The following AFAP1L2 variants were observed in gnomAD, a reference collection of about 807,000 sequenced individuals.
AFAP1L2 encodes the protein actin filament associated protein 1 like 2, also known as actin filament-associated protein 1-like 2.
In AFAP1L2, 46 loss-of-function variants were observed where a neutral mutation model predicts 99.3. That is an observed-to-expected ratio of 0.46 (90% CI 0.37 to 0.59). AFAP1L2 has a LOEUF of 0.59. AFAP1L2 is among the 20% of genes least tolerant of loss of function. The pLI, the probability that AFAP1L2 is intolerant of heterozygous loss-of-function variation, is 0.00. For missense variants in AFAP1L2, 959 were observed against 1,034.9 expected (o/e 0.93, Z 1.01); for synonymous variants, 397 against 419.1 (o/e 0.95, Z 0.64).
intron 1 of AFAP1L2, among the ~76,000 whole-genome samples, chr10:114,388,077 A>T (rs1210950737): frequency 6.6e-6 from 1 of 152,126 alleles, no homozygotes; most frequent in African/African-American, 2.4e-5. Flanking sequence ...TTATTTTAGG[A>T]TATGCTCAAA....
chr10:114,317,836 C>T (rs1889451), intron 5 of AFAP1L2, among the ~76,000 whole-genome samples: 3 of 151,988 alleles, frequency 2.0e-5, no homozygotes, highest in African/African-American at 4.8e-5. Flanking sequence ...CTCCAGCCTG[C>T]GCAACAGAGT....
chr10:114,368,985 A>C (rs766974067), intron 1 of AFAP1L2, among the ~76,000 whole-genome samples: 2 of 152,170 alleles, frequency 1.3e-5, no homozygotes, highest in Non-Finnish European at 2.9e-5. Flanking sequence ...CCTGCCCTCA[A>C]GGAGTTGGCC....
chr10:114,302,694 G>A (rs2041427855), intron 11 of AFAP1L2, among the ~76,000 whole-genome samples: 1 of 152,126 alleles, frequency 6.6e-6, no homozygotes, highest in Admixed American at 6.5e-5. Flanking sequence ...ACATCTTGAT[G>A]CCACCTCAAT....
At chr10:114,323,085 T>A (rs759670263) in intron 5 of AFAP1L2, 86 bp downstream of exon 5, 87 of 1,234,438 alleles carry the variant, frequency 7.0e-5, no homozygotes, top group Non-Finnish European at 9.2e-5. Flanking sequence ...AGGATGAGTG[T>A]ATCTGTTACC....
At chr10:114,285,038 T>G in the AFAP1L2 span, 1 of 1,267,784 alleles carries the variant, frequency 7.9e-7, no homozygotes, top group Non-Finnish European at 1.1e-6. Flanking sequence ...CCCCTTTTCA[T>G]TGCACGCCCT....
chr10:114,333,078 A>T, intron 3 of AFAP1L2, 143 bp downstream of exon 3: 4 of 731,772 alleles, frequency 5.5e-6, no homozygotes, highest in Non-Finnish European at 9.1e-6. Flanking sequence ...TACGACCAAC[A>T]AAAATGTGGC....
chr10:114,380,310 T>C (rs1374831624), intron 1 of AFAP1L2, among the ~76,000 whole-genome samples: 1 of 152,230 alleles, frequency 6.6e-6, no homozygotes, highest in Non-Finnish European at 1.5e-5. Flanking sequence ...AGTTGCTTTT[T>C]GAAAGGCAAT....
At chr10:114,352,644 G>C (rs1042211440) in intron 1 of AFAP1L2, among the ~76,000 whole-genome samples, 1 of 152,204 alleles carries the variant, frequency 6.6e-6, no homozygotes, top group Admixed American at 6.5e-5. Flanking sequence ...GAATGAACGA[G>C]TGAAGGTTTT....
chr10:114,297,357 G>T lies in AFAP1L2; in HGVS notation c.2170C>A (p.Arg724=). The T allele has an allele frequency of 6.2e-7, 1 of 1,613,638 alleles. No homozygotes were observed. The highest frequency in any genetic ancestry group is 8.5e-7 in the Non-Finnish European group (1 of 1,180,010). ...QKLKEIDEEC[R]GEESRRVDLE... ...TCCACGCGCCTGCTCTCCTCGCCCCGGCACTCCTCGTCAATTTCCTTCAGC... is the reference window on the plus strand; with the variant it reads ...TCCACGCGCCTGCTCTCCTCGCCCCTGCACTCCTCGTCAATTTCCTTCAGC... Residue 724 remains arginine, a synonymous_variant, in exon 17 of 19, where the codon CGG becomes AGG. Coordinates refer to ENST00000304129, the MANE Select transcript of AFAP1L2 (RefSeq NM_001001936.3).
chr10:114,404,489 T>C lies in AFAP1L2; in HGVS notation c.-34A>G. The C allele has an allele frequency of 6.5e-7, 1 of 1,530,618 alleles. No homozygotes were observed. Among genetic ancestry groups the C allele is most frequent in the Non-Finnish European group, 8.8e-7 (1 of 1,142,792 alleles). 94.8% of individuals were successfully genotyped at this position (1,530,618 alleles called of 1,614,324 possible). ...CGGAGTGCGCTCCTCGCGGCTCGGCTTCTGCGCTGCTCTCCCGGCGCTCGG... is the reference window on the plus strand; with the variant it reads ...CGGAGTGCGCTCCTCGCGGCTCGGCCTCTGCGCTGCTCTCCCGGCGCTCGG... On this transcript the variant is annotated 5_prime_UTR_variant, in exon 1 of 19. Transcript: ENST00000304129.
intron 1 of AFAP1L2, among the ~76,000 whole-genome samples, chr10:114,341,877 GAAGA>G (rs2048879583): frequency 6.6e-6 from 1 of 152,144 alleles, no homozygotes; most frequent in Non-Finnish European, 1.5e-5. Context: ...TGCCTCCTCA[GAAGA>G]AAGAATTTGA....
At chr10:114,404,637 G>GC (rs1446309674), upstream of AFAP1L2, 1 of 845,594 alleles carries the variant, frequency 1.2e-6, no homozygotes, top group Non-Finnish European at 1.6e-6. Flanking sequence ...CGCCCCCAGC[G>GC]CCCCTGTCCC....
chr10:114,364,507 C>T (rs915369010), intron 1 of AFAP1L2, among the ~76,000 whole-genome samples: 1 of 152,134 alleles, frequency 6.6e-6, no homozygotes, highest in African/African-American at 2.4e-5. Flanking sequence ...TCTGTTGTCA[C>T]ATGGCATGAC....
At chr10:114,395,610 T>TG (rs2057618161) in intron 1 of AFAP1L2, among the ~76,000 whole-genome samples, 1 of 151,066 alleles carries the variant, frequency 6.6e-6, no homozygotes, top group South Asian at 2.2e-4. Context: ...GTATAAAAAC[T>TG]GGGGGAGAAA....
At chr10:114,289,413 G>A in the AFAP1L2 span, 2 of 1,612,336 alleles carry the variant, frequency 1.2e-6, no homozygotes, top group Non-Finnish European at 8.5e-7. Context: ...CAGGTCCCCG[G>A]GATTCCCTGA....
chr10:114,285,865 C>T, the AFAP1L2 span: 360 of 1,415,474 alleles, frequency 2.5e-4, no homozygotes, highest in South Asian at 1.5e-3. Flanking sequence ...GGGAGATGTT[C>T]GGCATCTCGG....
In AFAP1L2 at chr10:114,300,636, AT is replaced by A; in HGVS notation, c.1596del (p.Glu532AspfsTer56). On this transcript the variant is annotated frameshift_variant, in exon 14 of 19. Coordinates refer to ENST00000304129, the MANE Select transcript of AFAP1L2 (RefSeq NM_001001936.3). LOFTEE classifies it high-confidence loss of function. ...TPVADDPNERESDRVYLDLTP... is the reference protein window; with the variant it reads ...TPVADDPNERXSDRVYLDLTP... ...GTGAGGTCCAGGTACACTCGGTCAGATTCTCTCTCATTTGGGTCATCTGCAA... is the reference window on the plus strand; with the variant it reads ...GTGAGGTCCAGGTACACTCGGTCAGATCTCTCTCATTTGGGTCATCTGCAA... The A allele has an allele frequency of 6.2e-7, 1 of 1,612,546 alleles. No homozygotes were observed. Among genetic ancestry groups the A allele is most frequent in the Non-Finnish European group, 8.5e-7 (1 of 1,179,180 alleles).
rs542593354 is a variant in AFAP1L2 at position 114,298,197 on chromosome 10, G to A, written c.2114-784C>T. Among the ~76,000 whole-genome samples, 6 of 152,176 alleles carry A rather than the reference G, an allele frequency of 3.9e-5. No individual in the cohort carries two copies. The East Asian group carries it at 5.8e-4, about 15-fold the overall frequency. On this transcript the variant is annotated intron_variant, in intron 16 of 18. Coordinates refer to ENST00000304129, the MANE Select transcript of AFAP1L2 (RefSeq NM_001001936.3). ...GTTCGAGACCATCCTGGCCAACATG[G>A]TGAAATCCCATCTCTACTAAAAATA...
intron 1 of AFAP1L2, among the ~76,000 whole-genome samples, chr10:114,389,138 C>T (rs2056846458): frequency 6.6e-6 from 1 of 152,224 alleles, no homozygotes; most frequent in South Asian, 2.1e-4. Context: ...CTCTTGCCCA[C>T]ACTTGCGAGA....
Sources: gnomAD v4.1 joint callset for allele counts (sites outside exome capture counted in the v4.1 genomes callset) on GRCh38, gnomAD v4.1.1 for gene constraint, MANE v1.5 for transcripts, NCBI Gene and HGNC (gene_info 2026-07-23, HGNC 2026-07-21) for gene names.